The following MAGI1 variants were observed in gnomAD, a reference collection of about 807,000 sequenced individuals.
The protein encoded by MAGI1 is membrane-associated guanylate kinase, WW and PDZ domain-containing protein 1.
Under a neutral mutation model 139.9 loss-of-function variants are expected in MAGI1, and 58 were observed. The observed-to-expected ratio is 0.41, with a 90% CI of 0.34 to 0.52. The LOEUF (loss-of-function observed/expected upper bound fraction) is 0.52. MAGI1 is among the 20% of genes least tolerant of loss of function. MAGI1 has a pLI of 0.12. For synonymous variants in MAGI1, 812 were observed against 737.9 expected (o/e 1.10, Z -1.63); for missense variants, 1,874 against 1,901.6 (o/e 0.99, Z 0.27).
At chr3:65,441,559 CCA>C (rs1948329233) in intron 8 of MAGI1, among the ~76,000 whole-genome samples, 1 of 152,138 alleles carries the variant, frequency 6.6e-6, no homozygotes. Context: ...GTGTCTTCAC[CCA>C]TAAAAGCTTT....
At chr3:65,493,433 A>T in intron 3 of MAGI1, 79 bp downstream of exon 3, 1 of 1,577,708 alleles carries the variant, frequency 6.3e-7, no homozygotes, top group Admixed American at 1.8e-5. Flanking sequence ...ATTCCACAAA[A>T]CATTTTTGCC....
chr3:65,988,085 A>G (rs73125712), intron 1 of MAGI1, among the ~76,000 whole-genome samples: 11,424 of 152,270 alleles, frequency 0.075, 592 homozygotes, highest in South Asian at 0.12. Flanking sequence ...TGAACAAAAC[A>G]AAAAACCTCT....
intron 2 of MAGI1, among the ~76,000 whole-genome samples, chr3:65,497,564 A>G (rs1952544644): frequency 6.6e-6 from 1 of 150,512 alleles, no homozygotes; most frequent in Non-Finnish European, 1.5e-5. Flanking sequence ...AGTTCCATTA[A>G]CTTAATCCAT....
At chr3:65,829,102 C>G (rs185841839) in intron 1 of MAGI1, among the ~76,000 whole-genome samples, 14 of 152,282 alleles carry the variant, frequency 9.2e-5, no homozygotes, top group Middle Eastern at 3.4e-3. Flanking sequence ...GATTTTAGCC[C>G]AGTGACATCC....
At chr3:65,630,083 T>C (rs1458353928) in intron 1 of MAGI1, among the ~76,000 whole-genome samples, 1 of 152,212 alleles carries the variant, frequency 6.6e-6, no homozygotes, top group East Asian at 1.9e-4. Flanking sequence ...GTCCTCTGTA[T>C]GCCTATGTAC....
intron 1 of MAGI1, among the ~76,000 whole-genome samples, chr3:65,707,963 G>C (rs1273852585): frequency 6.6e-6 from 1 of 152,164 alleles, no homozygotes; most frequent in Non-Finnish European, 1.5e-5. Flanking sequence ...CACATAGAAA[G>C]AATGAGGTAA....
At chr3:65,849,087 A>G (rs1344839123) in intron 1 of MAGI1, among the ~76,000 whole-genome samples, 1 of 125,912 alleles carries the variant, frequency 7.9e-6, no homozygotes, top group Non-Finnish European at 1.6e-5. Context: ...GAAGTGGCGC[A>G]ATCTCGGCTC....
At chr3:65,669,871 C>T (rs974757925) in intron 1 of MAGI1, among the ~76,000 whole-genome samples, 3 of 152,156 alleles carry the variant, frequency 2.0e-5, no homozygotes, top group Admixed American at 6.5e-5. Flanking sequence ...GTGCTGTTGT[C>T]GGTCCCTTTC....
chr3:65,744,857 G>A (rs2035567622), intron 1 of MAGI1, among the ~76,000 whole-genome samples: 1 of 151,956 alleles, frequency 6.6e-6, no homozygotes, highest in South Asian at 2.1e-4. Flanking sequence ...GTAATTCAGT[G>A]GCATTAGTAA....
At chr3:65,655,534 T>C (rs941658752) in intron 1 of MAGI1, among the ~76,000 whole-genome samples, 2 of 152,172 alleles carry the variant, frequency 1.3e-5, no homozygotes, top group Non-Finnish European at 2.9e-5. Flanking sequence ...TTTCCCATTT[T>C]CCTCAACTTG....
intron 1 of MAGI1, among the ~76,000 whole-genome samples, chr3:65,705,033 T>A (rs1479888984): frequency 1.3e-5 from 2 of 152,054 alleles, no homozygotes; most frequent in African/African-American, 4.8e-5. Context: ...AGGTTAAGGA[T>A]CAGTCACAAT....
At chr3:65,473,396 G>A (rs1330969455) in intron 4 of MAGI1, among the ~76,000 whole-genome samples, 1 of 152,096 alleles carries the variant, frequency 6.6e-6, no homozygotes, top group Non-Finnish European at 1.5e-5. Context: ...CCTGGCACCT[G>A]GGGCATGCTC....
chr3:65,360,411 T>C, intron 22 of MAGI1: 1 of 964,304 alleles, frequency 1.0e-6, no homozygotes, highest in Non-Finnish European at 1.2e-6. Flanking sequence ...ATAATTATTA[T>C]CATATACAAT....
chr3:65,607,155 T>C (rs907890086), intron 2 of MAGI1, among the ~76,000 whole-genome samples: 1 of 151,528 alleles, frequency 6.6e-6, no homozygotes, highest in African/African-American at 2.4e-5. Context: ...TGGTTTGGGA[T>C]GCCCAGGTAA....
At chr3:66,023,498 T>C (rs578156233) in intron 1 of MAGI1, among the ~76,000 whole-genome samples, 2 of 152,192 alleles carry the variant, frequency 1.3e-5, no homozygotes, top group Non-Finnish European at 2.9e-5. Flanking sequence ...CAATCCATTA[T>C]GCAGGCAGGA....
chr3:65,496,751 C>T (rs1236184151), intron 2 of MAGI1, among the ~76,000 whole-genome samples: 1 of 152,124 alleles, frequency 6.6e-6, no homozygotes, highest in African/African-American at 2.4e-5. Flanking sequence ...CAGCAAACCA[C>T]CATGGCACAT....
At chr3:65,568,703 G>C (rs17354056) in intron 2 of MAGI1, among the ~76,000 whole-genome samples, 55,751 of 152,088 alleles carry the variant, frequency 0.37, 11,631 homozygotes, top group East Asian at 0.66. Context: ...TGCCAAGTTT[G>C]CTCTAGGGCT....
chr3:65,836,633 G>T (rs972904777), intron 1 of MAGI1, among the ~76,000 whole-genome samples: 2 of 151,898 alleles, frequency 1.3e-5, no homozygotes, highest in South Asian at 4.2e-4. Flanking sequence ...AGCCTGGCCA[G>T]GATGGTGAAA....
chr3:65,362,793 G>A (rs2106731800), intron 21 of MAGI1, among the ~76,000 whole-genome samples: 1 of 152,204 alleles, frequency 6.6e-6, no homozygotes, highest in East Asian at 1.9e-4. Flanking sequence ...CAATCTATGT[G>A]ACCTATCTAT....
Sources: allele counts gnomAD v4.1 joint callset (sites outside exome capture counted in the v4.1 genomes callset), GRCh38; gene constraint gnomAD v4.1.1; transcripts MANE v1.5; gene names NCBI Gene and HGNC (gene_info 2026-07-23, HGNC 2026-07-21).